Variants in DNAH17 observed in about 807,000 individuals in gnomAD.
The protein encoded by DNAH17 is dynein axonemal heavy chain 17.
In DNAH17, 376 loss-of-function variants were observed where a neutral mutation model predicts 485.6. The observed-to-expected ratio is 0.77, with a 90% CI of 0.71 to 0.84. The LOEUF (loss-of-function observed/expected upper bound fraction) is 0.84. DNAH17 is among the 40% of genes least tolerant of loss of function. The probability of loss-of-function intolerance (pLI) is 0.00; values close to 1 mark genes in which losing one functional copy is unlikely to be tolerated. For synonymous variants in DNAH17, 3,031 were observed against 2,405.9 expected (o/e 1.26, Z -7.60); for missense variants, 6,370 against 5,839.3 (o/e 1.09, Z -2.96).
chr17:78,563,815 C>T (rs375535222), intron 11 of DNAH17, among the ~76,000 whole-genome samples: 1 of 152,208 alleles, frequency 6.6e-6, no homozygotes, highest in East Asian at 1.9e-4. Context: ...ATTTAGAGCA[C>T]AGGGCTGTCA....
intron 75 of DNAH17, among the ~76,000 whole-genome samples, chr17:78,432,669 A>C (rs1356121496): frequency 6.6e-6 from 1 of 152,182 alleles, no homozygotes; most frequent in Admixed American, 6.5e-5. Flanking sequence ...TTCTCAGGAC[A>C]CCCAATGGGA....
intron 14 of DNAH17, among the ~76,000 whole-genome samples, chr17:78,554,832 C>CAG (rs1039408357): frequency 4.1e-4 from 63 of 152,294 alleles, no homozygotes; most frequent in African/African-American, 1.4e-3. Context: ...CTGCAACCTC[C>CAG]GCCTGCCAGG....
At chr17:78,495,789 T>TC in intron 38 of DNAH17, 86 bp downstream of exon 38, 1 of 1,485,226 alleles carries the variant, frequency 6.7e-7, no homozygotes, top group Non-Finnish European at 9.1e-7. Flanking sequence ...CCTCTGCCCC[T>TC]CCCCTCTGCC....
chr17:78,438,390 C>T lies in DNAH17; in HGVS notation c.11806-522G>A, dbSNP rs897533681. ...AAATGTGCAGAGAGCATCTCCTGGG[C>T]GCTCTGGGCTTTGCTGCCTGCCCCA... On this transcript the variant is annotated intron_variant, in intron 73 of 80. Transcript: ENST00000389840. 3.0e-4 allele frequency among the ~76,000 whole-genome samples: 10 copies of T among 33,116 alleles called. 1 individual carries two copies. The South Asian group carries it at 5.5e-3, about 18-fold the overall frequency. 21.7% of individuals were successfully genotyped at this position (33,116 alleles called of 152,430 possible).
chr17:78,507,977 A>G (rs1392186151), intron 27 of DNAH17, among the ~76,000 whole-genome samples, 172 bp from the exon 28 acceptor site: 1 of 152,176 alleles, frequency 6.6e-6, no homozygotes, highest in Non-Finnish European at 1.5e-5. Flanking sequence ...TCATCCCCCA[A>G]TGATGGATGC....
At chr17:78,446,195 A>AAAAAAAAAAAG (rs2087290106) in intron 69 of DNAH17, among the ~76,000 whole-genome samples, 1 of 151,138 alleles carries the variant, frequency 6.6e-6, no homozygotes, top group Non-Finnish European at 1.5e-5. Flanking sequence ...AAAAAAAAAA[A>AAAAAAAAAAAG]AAATTGACAA....
At chr17:78,526,363 A>G (rs534764003) in intron 24 of DNAH17, among the ~76,000 whole-genome samples, 7 of 152,270 alleles carry the variant, frequency 4.6e-5, no homozygotes, top group African/African-American at 1.7e-4. Flanking sequence ...TGGGTCACAC[A>G]GGGTGTTAAG....
chr17:78,451,676 G>A lies in DNAH17; in HGVS notation c.10530-3C>T. 6.4e-7 allele frequency: 1 copy of A among 1,554,626 alleles called. No individual in the cohort carries two copies. Among genetic ancestry groups the A allele is most frequent in the Non-Finnish European group, 8.7e-7 (1 of 1,149,664 alleles). ...CCTTGTCACCGATCTTAATGTACCT[G>A]GCGGTTGGTGGAGGAAAGGGTTAGT... On this transcript the variant is annotated splice_region_variant and splice_polypyrimidine_tract_variant and intron_variant, in intron 65 of 80. Coordinates refer to ENST00000389840, the MANE Select transcript of DNAH17 (RefSeq NM_173628.4).
intron 17 of DNAH17, 88 bp from the exon 18 acceptor site, chr17:78,539,968 G>C: frequency 7.5e-7 from 1 of 1,335,492 alleles, no homozygotes; most frequent in Non-Finnish European, 9.8e-7. Flanking sequence ...TGGACCGCCC[G>C]TCCATGTTCA....
chr17:78,459,851 T>A lies in DNAH17; in HGVS notation c.9586A>T (p.Thr3196Ser). ...AAKIMMGKVD[T>S]FLDSLKKFDK... Reference sequence around the variant, plus strand: ...AACTTCTTCAGGGAGTCTAGGAAGGTGTCCACCTTGCCCATCATGATCTTG... The same window carrying A: ...AACTTCTTCAGGGAGTCTAGGAAGGAGTCCACCTTGCCCATCATGATCTTG... The change falls in exon 60 of 81, where the codon ACC (threonine) becomes TCC (serine). Residue 3196 changes from threonine (T) to serine (S), a missense_variant. Transcript: ENST00000389840. The A allele has an allele frequency of 3.7e-6, 6 of 1,614,060 alleles. No individual in the cohort carries two copies. The highest frequency in any genetic ancestry group is 5.1e-6 in the Non-Finnish European group (6 of 1,179,900).
rs758370985 is a variant in DNAH17 at position 78,567,255 on chromosome 17, G to C, written c.1285-89C>G. ...AACTAGCTCTGACCCCAGGCAGGAGGAGCTGGGGAGCAAAATGTCCCCAGG... is the reference window on the plus strand; with the variant it reads ...AACTAGCTCTGACCCCAGGCAGGAGCAGCTGGGGAGCAAAATGTCCCCAGG... On this transcript the variant is annotated intron_variant, in intron 9 of 80. Coordinates refer to ENST00000389840, the MANE Select transcript of DNAH17 (RefSeq NM_173628.4). 58 of 1,418,678 alleles carry C rather than the reference G, an allele frequency of 4.1e-5. 1 individual carries two copies. The highest frequency in any genetic ancestry group is 5.4e-5 in the Non-Finnish European group (56 of 1,043,422). The allele number at this position is 1,418,678 out of a possible 1,614,324, so 87.9% of individuals were successfully genotyped here.
Position 78,544,011 on chromosome 17 carries a change from A to C in DNAH17, c.2392-14T>G. 1 of 1,613,918 alleles carries C rather than the reference A, an allele frequency of 6.2e-7. No individual in the cohort carries two copies. The highest frequency in any genetic ancestry group is 8.5e-7 in the Non-Finnish European group (1 of 1,179,856). ...GGCCGACCAGTCCTGGAAGGAAAGC[A>C]CAGGAGTGAGAAAAGGTGTTCTGGA... is the stretch of plus-strand genomic sequence containing the variant. On this transcript the variant is annotated splice_polypyrimidine_tract_variant and intron_variant, in intron 16 of 80. Coordinates refer to ENST00000389840, the MANE Select transcript of DNAH17 (RefSeq NM_173628.4).
chr17:78,539,663 G>A (rs533002827), intron 18 of DNAH17, 74 bp downstream of exon 18: 4 of 1,269,392 alleles, frequency 3.2e-6, no homozygotes, highest in Non-Finnish European at 4.2e-6. Context: ...TGTTCATCAA[G>A]AAACTAGAAA....
intron 44 of DNAH17, among the ~76,000 whole-genome samples, chr17:78,488,303 G>A (rs1461012365): frequency 1.3e-5 from 2 of 152,282 alleles, no homozygotes; most frequent in East Asian, 3.9e-4. Flanking sequence ...CCCTGCCCCT[G>A]GCAGTTGCCT....
intron 48 of DNAH17, among the ~76,000 whole-genome samples, chr17:78,482,307 T>C (rs752838775): frequency 2.0e-5 from 3 of 152,152 alleles, no homozygotes; most frequent in Non-Finnish European, 4.4e-5. Context: ...ATTACAGGCC[T>C]GAGCCACTGC....
At position 78,434,141 on chromosome 17, in the gene DNAH17, G is replaced by GC; in HGVS notation, c.12112dup (p.Ala4038GlyfsTer50). 1.2e-6 allele frequency: 2 copies of GC among 1,613,658 alleles called. No homozygotes were observed. Among genetic ancestry groups the GC allele is most frequent in the Non-Finnish European group, 1.7e-6 (2 of 1,179,854 alleles). On this transcript the variant is annotated frameshift_variant, in exon 75 of 81. Coordinates refer to ENST00000389840, the MANE Select transcript of DNAH17 (RefSeq NM_173628.4). LOFTEE classifies it high-confidence loss of function. ...CTGGGCGCCGAACTTGCGCCTCTCTGCCACCACAGCGTGGAAGTAGCACAG... is the reference window on the plus strand; with the variant it reads ...CTGGGCGCCGAACTTGCGCCTCTCTGCCCACCACAGCGTGGAAGTAGCACAG...
rs773654448 is a variant in DNAH17, at chr17:78,463,007, A to T, written c.9011T>A (p.Val3004Glu). 4 of 1,613,732 alleles carry T rather than the reference A, an allele frequency of 2.5e-6. No individual in the cohort carries two copies. The highest frequency in any genetic ancestry group is 3.4e-6 in the Non-Finnish European group (4 of 1,179,858). The stretch of plus-strand genomic sequence containing the variant: ...GTAGCGCCTCTCAGTAGCCAGGTAT[A>T]CCCTGGACATCTCGTTGACGGTGGT... The part of the protein sequence containing the change: ...VHTTVNEMSR[V>E]YLATERRYNY... The change falls in exon 57 of 81, where the codon GTA (valine) becomes GAA (glutamate). Residue 3004 changes from valine (V) to glutamate (E), a missense_variant. Coordinates refer to ENST00000389840, the MANE Select transcript of DNAH17 (RefSeq NM_173628.4).
rs779330949 is a variant in DNAH17, at chr17:78,423,972, G to A, written c.13323C>T (p.Asn4441=). Residue 4441 remains asparagine (N), a synonymous_variant, in exon 81 of 81, where the codon AAC becomes AAT. Transcript: ENST00000389840. ...IRGPTYVWTF[N]LKTKEKAAKW... ...TCGCTGCCTTCTCTTTGGTCTTCAAGTTAAAGGTCCAGACATAGGTGGGGC... is the reference window on the plus strand; with the variant it reads ...TCGCTGCCTTCTCTTTGGTCTTCAAATTAAAGGTCCAGACATAGGTGGGGC... 1 of 1,614,066 alleles carries A rather than the reference G, an allele frequency of 6.2e-7. No individual in the cohort carries two copies. Among genetic ancestry groups the A allele is most frequent in the Non-Finnish European group, 8.5e-7 (1 of 1,179,906 alleles).
chr17:78,535,501 C>T (rs1485503417), intron 19 of DNAH17, among the ~76,000 whole-genome samples: 1 of 152,204 alleles, frequency 6.6e-6, no homozygotes, highest in Non-Finnish European at 1.5e-5. Context: ...TGCAAATACG[C>T]ACACGGGCAC....
Sources: gnomAD v4.1 joint callset for allele counts (sites outside exome capture counted in the v4.1 genomes callset) on GRCh38, gnomAD v4.1.1 for gene constraint, MANE v1.5 for transcripts, NCBI Gene and HGNC (gene_info 2026-07-23, HGNC 2026-07-21) for gene names.